The following MIPEP variants were observed in gnomAD, a reference collection of about 807,000 sequenced individuals.
MIPEP encodes the protein mitochondrial intermediate peptidase.
A neutral mutation model predicts 90.3 loss-of-function variants in MIPEP; 79 were observed. That is an observed-to-expected ratio of 0.87 (90% CI 0.73 to 1.05). The LOEUF (loss-of-function observed/expected upper bound fraction) is 1.05. Among genes scored for constraint, MIPEP ranks in the 50% least tolerant of loss-of-function variants. The pLI is 0.00. For missense variants in MIPEP, 940 were observed against 905.6 expected, an observed-to-expected ratio of 1.04 and a Z score of -0.49; for synonymous variants, 334 against 315.8, an observed-to-expected ratio of 1.06 and a Z score of -0.61.
At chr13:23,734,686 C>T (rs117989091) in intron 18 of MIPEP, among the ~76,000 whole-genome samples, 2,479 of 152,206 alleles carry the variant, frequency 0.016, 28 homozygotes, top group Non-Finnish European at 0.024. Flanking sequence ...TCCGAGGACC[C>T]TTAGATCAAC....
rs765193616 is a variant in MIPEP, at chr13:23,837,723, T to C, written c.1372A>G (p.Lys458Glu). The C allele has an allele frequency of 2.7e-5, 44 of 1,613,914 alleles. No individual in the cohort carries two copies. In the East Asian group the frequency reaches 9.6e-4, roughly 35 times the overall value. Residue 458 changes from lysine to glutamate, a missense_variant, in exon 13 of 19, where the codon AAG becomes GAG. Transcript: ENST00000382172. ...CHFTIRGGRL[K>E]EDGDYQLPVV... Reference sequence around the variant, plus strand: ...GGGAGTTGATAGTCTCCATCTTCCTTTAGTCTGCCTCCACGGATAGTGAAA... The same window carrying C: ...GGGAGTTGATAGTCTCCATCTTCCTCTAGTCTGCCTCCACGGATAGTGAAA...
At position 23,858,892 on chromosome 13, in the gene MIPEP, G is replaced by C; in HGVS notation, c.1074C>G (p.Pro358=). 6.2e-7 allele frequency: 1 copy of C among 1,613,486 alleles called. No individual in the cohort carries two copies. Among genetic ancestry groups the C allele is most frequent in the South Asian group, 1.1e-5 (1 of 91,054 alleles). The change falls in exon 10 of 19, where the codon CCC becomes CCG. Residue 358 remains proline, a synonymous_variant. Transcript: ENST00000382172. ...PQNSEVMPWD[P]PYYSGVIRAE... The stretch of plus-strand genomic sequence containing the variant: ...CACGAATCACACCACTGTAGTAAGG[G>C]GGGTCCCAGGGCATTACTTCCTACA...
Position 23,862,331 on chromosome 13 carries a change from T to C in MIPEP, c.1024A>G (p.Met342Val). The change falls in exon 9 of 19, where the codon ATG (methionine) becomes GTG (valine). Residue 342 changes from methionine (M) to valine (V), a missense_variant. Transcript: ENST00000382172. Reference sequence around the variant, plus strand: ...TTTTGAGGATTCAGTTTCATTTTCATCCCTCGTATCATCTCAAAATCTTTC... The same window carrying C: ...TTTTGAGGATTCAGTTTCATTTTCACCCCTCGTATCATCTCAAAATCTTTC... Reference protein sequence around the residue: ...TLKDFEMIRGMKMKLNPQNSE... With the variant: ...TLKDFEMIRGVKMKLNPQNSE... 2 of 1,585,990 alleles carry C rather than the reference T, an allele frequency of 1.3e-6. No homozygotes were observed. The highest frequency in any genetic ancestry group is 1.7e-6 in the Non-Finnish European group (2 of 1,160,356).
chr13:23,869,439 C>T lies in MIPEP; in HGVS notation c.796G>A (p.Ala266Thr). 1 of 1,603,550 alleles carries T rather than the reference C, an allele frequency of 6.2e-7. No individual in the cohort carries two copies. Among genetic ancestry groups the T allele is most frequent in the Middle Eastern group, 1.7e-4 (1 of 6,006 alleles). Residue 266 changes from alanine (A) to threonine (T), a missense_variant, in exon 7 of 19, where the codon GCT becomes ACT. Ala to Thr is a moderately conservative substitution (Grantham distance 58). Coordinates refer to ENST00000382172, the MANE Select transcript of MIPEP (RefSeq NM_005932.4). ...AESPDDLVRE[A>T]AYKIFLYPNA... ...GGATAAAGAAAAATTTTATAAGCAG[C>T]TTCTCGCACCTACGTTTAAAAAGTA...
At chr13:23,736,704 G>A (rs1256358732) in intron 18 of MIPEP, among the ~76,000 whole-genome samples, 2 of 152,144 alleles carry the variant, frequency 1.3e-5, no homozygotes, top group African/African-American at 4.8e-5. Context: ...GACTTGACCT[G>A]CAGACAGCTG....
Position 23,796,251 on chromosome 13 carries a change from T to C in MIPEP, c.1848+9699A>G, listed in dbSNP as rs575310082. On this transcript the variant is annotated intron_variant, in intron 16 of 18. Transcript: ENST00000382172. ...CTGGCCAATATGGCGAAACCACATC[T>C]CTACCAAAAATACAAAAATTATCAG... 5.0e-4 allele frequency among the ~76,000 whole-genome samples: 76 copies of C among 152,222 alleles called. 1 individual carries two copies. Among genetic ancestry groups the C allele is most frequent in the African/African-American group, 1.8e-3 (75 of 41,520 alleles).
chr13:23,834,439 C>A (rs1868928880), intron 14 of MIPEP, among the ~76,000 whole-genome samples: 1 of 152,158 alleles, frequency 6.6e-6, no homozygotes, highest in African/African-American at 2.4e-5. Flanking sequence ...CGGGCGGTAA[C>A]ACCCTAGTCA....
At chr13:23,828,577 A>C (rs976620167) in intron 14 of MIPEP, among the ~76,000 whole-genome samples, 1 of 152,246 alleles carries the variant, frequency 6.6e-6, no homozygotes, top group African/African-American at 2.4e-5. Flanking sequence ...AGTATCAAAA[A>C]GGAAGGGCAT....
At chr13:23,832,611 C>T (rs750897716) in intron 14 of MIPEP, among the ~76,000 whole-genome samples, 9 of 152,154 alleles carry the variant, frequency 5.9e-5, no homozygotes, top group African/African-American at 1.4e-4. Context: ...AGAAGTTACG[C>T]GGAAGGTAAA....
At chr13:23,888,441 A>C (rs147642254) in intron 1 of MIPEP, among the ~76,000 whole-genome samples, 45 of 152,276 alleles carry the variant, frequency 3.0e-4, no homozygotes, top group African/African-American at 1.0e-3. Flanking sequence ...AAAATGTACA[A>C]ACTCCAAGTA....
intron 17 of MIPEP, 54 bp from the exon 18 acceptor site, chr13:23,756,672 CTT>C (rs1952494263): frequency 4.5e-6 from 7 of 1,551,786 alleles, no homozygotes; most frequent in Middle Eastern, 1.7e-4. Flanking sequence ...TCCATTCACA[CTT>C]GTCTTGAATT....
Position 23,751,698 on chromosome 13 carries a change from G to A in MIPEP, c.2044+4847C>T, listed in dbSNP as rs1193967463. 7.2e-5 allele frequency among the ~76,000 whole-genome samples: 11 copies of A among 152,136 alleles called. 2 individuals carry two copies. In the South Asian group the frequency reaches 2.3e-3, roughly 32 times the overall value. On this transcript the variant is annotated intron_variant, in intron 18 of 18. Coordinates refer to ENST00000382172, the MANE Select transcript of MIPEP (RefSeq NM_005932.4). ...GAAGAAAGAGAGCATAAGGAATTCT[G>A]TAACCAGAGGCAGAACCCAAAACTA...
rs1164997503 is a variant in MIPEP, at chr13:23,733,878, G to T, written c.2045-3433C>A. On this transcript the variant is annotated intron_variant, in intron 18 of 18. Coordinates refer to ENST00000382172, the MANE Select transcript of MIPEP (RefSeq NM_005932.4). ...GAGAATGTCATTGCTGTGTCTATTT[G>T]TGCAATTAAAGTTCAAAACACAGTG... Among the ~76,000 whole-genome samples the T allele has an allele frequency of 5.9e-5, 9 of 152,166 alleles. 1 individual carries two copies. The highest frequency in any genetic ancestry group is 2.0e-4 in the Admixed American group (3 of 15,282).
intron 18 of MIPEP, 56 bp downstream of exon 18, chr13:23,756,489 G>C (rs1825779192): frequency 2.6e-6 from 4 of 1,534,342 alleles, no homozygotes; most frequent in Non-Finnish European, 1.8e-6. Flanking sequence ...AAAAACATAT[G>C]GAGAAAACAT....
intron 18 of MIPEP, among the ~76,000 whole-genome samples, chr13:23,740,445 A>T (rs1381060460): frequency 6.6e-6 from 1 of 151,624 alleles, no homozygotes; most frequent in Non-Finnish European, 1.5e-5. Context: ...AAAAAAAAAA[A>T]TTGGTTTTCT....
chr13:23,867,953 A>C (rs1489432038), intron 7 of MIPEP, among the ~76,000 whole-genome samples: 1 of 151,458 alleles, frequency 6.6e-6, no homozygotes, highest in African/African-American at 2.4e-5. Context: ...ATATAAAATA[A>C]AAATATGGTA....
rs572217517 is a variant in MIPEP, at chr13:23,777,966, G to A, written c.1849-17749C>T. Among the ~76,000 whole-genome samples the A allele has an allele frequency of 1.8e-4, 28 of 152,258 alleles. No individual in the cohort carries two copies. The South Asian group carries it at 5.0e-3, about 27-fold the overall frequency. On this transcript the variant is annotated intron_variant, in intron 16 of 18. Coordinates refer to ENST00000382172, the MANE Select transcript of MIPEP (RefSeq NM_005932.4). ...AGAGGGAAAATGGGTTAGAAAAAGT[G>A]GTTATGAAATAAATGTAAACTATCA...
intron 6 of MIPEP, among the ~76,000 whole-genome samples, 186 bp from the exon 7 acceptor site, chr13:23,869,634 G>T (rs1415172391): frequency 6.6e-6 from 1 of 152,164 alleles, no homozygotes; most frequent in Non-Finnish European, 1.5e-5. Context: ...TAGCATACTT[G>T]ACTGCAGCTC....
intron 7 of MIPEP, among the ~76,000 whole-genome samples, chr13:23,865,545 T>C (rs923201631): frequency 6.6e-6 from 1 of 152,232 alleles, no homozygotes; most frequent in Non-Finnish European, 1.5e-5. Context: ...CCAGGTACCA[T>C]ACCAAACTGT....
Sources: allele counts gnomAD v4.1 joint callset (sites outside exome capture counted in the v4.1 genomes callset), GRCh38; gene constraint gnomAD v4.1.1; transcripts MANE v1.5; gene names NCBI Gene and HGNC (gene_info 2026-07-23, HGNC 2026-07-21).